DAPP1: variants seen among roughly 807,000 people sequenced by gnomAD.
DAPP1 encodes the protein dual adapter for phosphotyrosine and 3-phosphotyrosine and 3-phosphoinositide.
DAPP1 carries 20 observed loss-of-function variants against 41.5 expected under a neutral mutation model. The ratio of observed to expected loss-of-function variants is 0.48; its 90% CI spans 0.34 to 0.70. DAPP1 has a LOEUF of 0.70. DAPP1 is among the 30% of genes least tolerant of loss of function. The pLI is 0.01. For missense variants in DAPP1, 233 were observed against 333.4 expected (o/e 0.70, Z 2.35); for synonymous variants, 113 against 116.2 (o/e 0.97, Z 0.18).
chr4:99,829,166 T>G (rs1253278152), intron 1 of DAPP1, among the ~76,000 whole-genome samples: 2 of 152,022 alleles, frequency 1.3e-5, no homozygotes, highest in African/African-American at 4.8e-5. Flanking sequence ...AGAAGAAAAT[T>G]TTTCCAATAC....
At chr4:99,870,897 C>T (rs913824401), downstream of DAPP1, among the ~76,000 whole-genome samples, 1 of 152,158 alleles carries the variant, frequency 6.6e-6, no homozygotes, top group East Asian at 1.9e-4. Context: ...TTCAACTTCA[C>T]AATGGGTCTA....
intron 1 of DAPP1, among the ~76,000 whole-genome samples, chr4:99,834,170 CAGAGCAAT>C (rs1723216902): frequency 6.6e-6 from 1 of 152,134 alleles, no homozygotes; most frequent in Admixed American, 6.5e-5. Flanking sequence ...AAAGATGGTG[CAGAGCAAT>C]ATGCCTAGAA....
intron 5 of DAPP1, among the ~76,000 whole-genome samples, 182 bp downstream of exon 5, chr4:99,861,807 T>G (rs1421986522): frequency 6.6e-6 from 1 of 152,194 alleles, no homozygotes; most frequent in African/African-American, 2.4e-5. Context: ...TTCTGGAAAA[T>G]GACTTGACTG....
intron 3 of DAPP1, among the ~76,000 whole-genome samples, chr4:99,850,774 C>T (rs1249054412): frequency 6.6e-6 from 1 of 151,986 alleles, no homozygotes; most frequent in African/African-American, 2.4e-5. Flanking sequence ...AATCCATGTC[C>T]CCAAAGATGC....
chr4:99,854,072 T>C (rs1723962303), intron 4 of DAPP1, among the ~76,000 whole-genome samples: 1 of 152,244 alleles, frequency 6.6e-6, no homozygotes, highest in Admixed American at 6.5e-5. Context: ...AGGGTATTAT[T>C]TTTTCTAGCT....
intron 1 of DAPP1, among the ~76,000 whole-genome samples, chr4:99,818,443 A>T (rs898034555): frequency 2.6e-5 from 4 of 152,228 alleles, no homozygotes; most frequent in Non-Finnish European, 5.9e-5. Flanking sequence ...GAGGAGATAG[A>T]GGAATATATT....
chr4:99,825,974 C>A (rs1722922801), intron 1 of DAPP1, among the ~76,000 whole-genome samples: 1 of 152,206 alleles, frequency 6.6e-6, no homozygotes, highest in South Asian at 2.1e-4. Flanking sequence ...GGGCCAAACA[C>A]TTTACCTTTC....
Position 99,843,082 on chromosome 4 carries a change from T to C in DAPP1, c.358+2660T>C, listed in dbSNP as rs547469104. 4.6e-5 allele frequency among the ~76,000 whole-genome samples: 7 copies of C among 152,314 alleles called. No homozygotes were observed. The South Asian group carries it at 1.2e-3, about 27-fold the overall frequency. On this transcript the variant is annotated intron_variant, in intron 3 of 8. Transcript: ENST00000512369. ...ATTACCAGAATGACAAGGACTAGAATTGGATATTTCAGGCCACTGCTCTCA... is the reference window on the plus strand; with the variant it reads ...ATTACCAGAATGACAAGGACTAGAACTGGATATTTCAGGCCACTGCTCTCA...
intron 2 of DAPP1, 75 bp from the exon 3 acceptor site, chr4:99,840,214 C>A: frequency 9.5e-7 from 1 of 1,057,610 alleles, no homozygotes. Flanking sequence ...GTGATGCTAA[C>A]ATCTGAGATC....
chr4:99,866,303 G>GT (rs1276383438), intron 8 of DAPP1, among the ~76,000 whole-genome samples, 182 bp downstream of exon 8: 6 of 152,102 alleles, frequency 3.9e-5, no homozygotes, highest in African/African-American at 1.4e-4. Context: ...ATGGAGACAG[G>GT]ATTGTAAAAA....
At chr4:99,840,932 G>A (rs3775506) in intron 3 of DAPP1, among the ~76,000 whole-genome samples, 14,963 of 151,994 alleles carry the variant, frequency 0.098, 1,001 homozygotes, top group South Asian at 0.2. Context: ...GAATTTTCCT[G>A]TTTGAATGGT....
At chr4:99,860,198 G>A (rs977021606) in intron 4 of DAPP1, among the ~76,000 whole-genome samples, 1 of 152,180 alleles carries the variant, frequency 6.6e-6, no homozygotes, top group African/African-American at 2.4e-5. Context: ...AAAATTAATA[G>A]TCTCATTGCT....
At chr4:99,850,975 T>C (rs1723835436) in intron 3 of DAPP1, among the ~76,000 whole-genome samples, 1 of 152,182 alleles carries the variant, frequency 6.6e-6, no homozygotes, top group East Asian at 1.9e-4. Flanking sequence ...GTAGTGACAA[T>C]TGAACCCTGT....
intron 1 of DAPP1, among the ~76,000 whole-genome samples, chr4:99,829,118 T>C (rs571378260): frequency 6.6e-6 from 1 of 152,296 alleles, no homozygotes; most frequent in East Asian, 1.9e-4. Flanking sequence ...TAGTTTTTTT[T>C]CTGTAAAAGT....
At chr4:99,857,910 C>T (rs1229909055) in intron 4 of DAPP1, among the ~76,000 whole-genome samples, 5 of 152,042 alleles carry the variant, frequency 3.3e-5, no homozygotes, top group African/African-American at 1.2e-4. Context: ...TATGTTTTAA[C>T]ATGCTTTTTT....
At chr4:99,820,676 T>A (rs1722744986) in intron 1 of DAPP1, among the ~76,000 whole-genome samples, 1 of 151,988 alleles carries the variant, frequency 6.6e-6, no homozygotes, top group South Asian at 2.1e-4. Context: ...GCAGCAAACC[T>A]TTTTTTTATA....
chr4:99,817,895 C>G (rs558775039), intron 1 of DAPP1, among the ~76,000 whole-genome samples: 1 of 152,228 alleles, frequency 6.6e-6, no homozygotes, highest in African/African-American at 2.4e-5. Context: ...CTGTTGTCAT[C>G]TTCATCTTAC....
At chr4:99,844,172 G>T (rs1225123445) in intron 3 of DAPP1, 2 of 152,152 alleles carry the variant, frequency 1.3e-5, no homozygotes, top group Non-Finnish European at 2.9e-5. Context: ...TGGATGAAAA[G>T]AAAGAAAAGA....
At chr4:99,862,099 T>G (rs915345139) in intron 5 of DAPP1, among the ~76,000 whole-genome samples, 2 of 152,212 alleles carry the variant, frequency 1.3e-5, no homozygotes, top group Non-Finnish European at 2.9e-5. Flanking sequence ...TTTATGAGAC[T>G]GTATCTTTAG....
Sources: gnomAD v4.1 joint callset for allele counts (sites outside exome capture counted in the v4.1 genomes callset) on GRCh38, gnomAD v4.1.1 for gene constraint, MANE v1.5 for transcripts, NCBI Gene and HGNC (gene_info 2026-07-23, HGNC 2026-07-21) for gene names.